DNAAF8: variants seen among roughly 807,000 people sequenced by gnomAD.
DNAAF8 encodes dynein axonemal-associated protein 1.
DNAAF8 carries 61 observed loss-of-function variants against 54.6 expected under a neutral mutation model. The ratio of observed to expected loss-of-function variants is 1.12; its 90% CI spans 0.91 to 1.38. The LOEUF is 1.38. Ranked by LOEUF, DNAAF8 falls within the 40% of genes most tolerant of loss-of-function variation. The probability of loss-of-function intolerance (pLI) is 0.00; values close to 1 mark genes in which losing one functional copy is unlikely to be tolerated. For missense variants in DNAAF8, 837 were observed against 665.0 expected, an observed-to-expected ratio of 1.26 and a Z score of -2.85; for synonymous variants, 320 against 270.1, an observed-to-expected ratio of 1.18 and a Z score of -1.81.
intron 4 of DNAAF8, among the ~76,000 whole-genome samples, chr16:4,741,659 G>C (rs1341448403): frequency 1.3e-5 from 2 of 152,106 alleles, no homozygotes; most frequent in Non-Finnish European, 2.9e-5. Flanking sequence ...AATTAGCCAA[G>C]TGTGGTGGTG....
Position 4,736,463 on chromosome 16 carries a change from G to T in DNAAF8, c.-51-1G>T. 1 of 1,450,774 alleles carries T rather than the reference G, an allele frequency of 6.9e-7. No individual in the cohort carries two copies. The highest frequency in any genetic ancestry group is 1.5e-5 in the South Asian group (1 of 65,916). 89.9% of individuals were successfully genotyped at this position (1,450,774 alleles called of 1,614,324 possible). A position where few individuals can be genotyped will look rare whatever the true frequency, so the allele number is the denominator to read the frequency against. The stretch of plus-strand genomic sequence containing the variant: ...CTTCCATCACCCTGTGTACCCCACA[G>T]AGCTCCCCGGATTATGGTGCACTGA... On this transcript the variant is annotated splice_acceptor_variant, in intron 1 of 9. Transcript: ENST00000299320. LOFTEE classifies it low-confidence loss of function (5UTR_SPLICE).
intron 3 of DNAAF8, among the ~76,000 whole-genome samples, chr16:4,739,295 G>T (rs1462771514): frequency 3.3e-5 from 1 of 30,744 alleles, no homozygotes; most frequent in East Asian, 1.7e-3. Flanking sequence ...TTGTAATGTG[G>T]GATCTCTACT....
intron 4 of DNAAF8, among the ~76,000 whole-genome samples, chr16:4,741,094 T>C (rs1242584769): frequency 2.7e-4 from 40 of 145,960 alleles, no homozygotes. Context: ...ATTAGCTGGG[T>C]GTGGTGGCGG....
intron 7 of DNAAF8, 199 bp from the exon 8 acceptor site, chr16:4,746,727 CA>C: frequency 2.2e-5 from 17 of 758,842 alleles, no homozygotes; most frequent in Non-Finnish European, 3.5e-5. Context: ...GGGCTCTATG[CA>C]ATAGAGCCCA....
chr16:4,736,810 T>G (rs2081906390), intron 2 of DNAAF8, among the ~76,000 whole-genome samples, 167 bp downstream of exon 2: 1 of 152,228 alleles, frequency 6.6e-6, no homozygotes, highest in Non-Finnish European at 1.5e-5. Flanking sequence ...TTGTGTTTTC[T>G]GGGTGCCTAT....
rs1322449808 is a variant in DNAAF8 at position 4,746,974 on chromosome 16, T to C, written c.1229T>C (p.Met410Thr). ...AGTGAGGAGGAGGAGGAGGAAGAGATGGCAGCTCTGGGAGACGCAGAGGGG... is the reference window on the plus strand; with the variant it reads ...AGTGAGGAGGAGGAGGAGGAAGAGACGGCAGCTCTGGGAGACGCAGAGGGG... The part of the protein sequence containing the change: ...SDSEEEEEEE[M>T]AALGDAEGAS... Residue 410 changes from methionine (M) to threonine (T), a missense_variant, in exon 8 of 10, where the codon ATG becomes ACG. Coordinates refer to ENST00000299320, the MANE Select transcript of DNAAF8 (RefSeq NM_139170.3). 1.7e-5 allele frequency: 26 copies of C among 1,552,890 alleles called. No homozygotes were observed. Among genetic ancestry groups the C allele is most frequent in the Non-Finnish European group, 2.1e-5 (24 of 1,153,886 alleles).
At chr16:4,742,511 A>G (rs1385106219) in intron 4 of DNAAF8, among the ~76,000 whole-genome samples, 1 of 149,716 alleles carries the variant, frequency 6.7e-6, no homozygotes, top group Non-Finnish European at 1.5e-5. Context: ...GTTCGAGACC[A>G]GCCTGGCCAA....
intron 6 of DNAAF8, among the ~76,000 whole-genome samples, chr16:4,745,881 G>C (rs1169959700): frequency 6.6e-6 from 1 of 150,722 alleles, no homozygotes; most frequent in Admixed American, 6.6e-5. Flanking sequence ...TTGAACCCAG[G>C]AGGCGGAGGT....
intron 4 of DNAAF8, among the ~76,000 whole-genome samples, chr16:4,741,913 C>T (rs1226524330): frequency 1.3e-5 from 2 of 152,190 alleles, no homozygotes; most frequent in African/African-American, 4.8e-5. Context: ...CACACCGTCT[C>T]GGTTTTACAC....
chr16:4,736,697 G>C, intron 2 of DNAAF8, 54 bp downstream of exon 2: 3 of 1,454,708 alleles, frequency 2.1e-6, no homozygotes, highest in South Asian at 2.8e-5. Flanking sequence ...GAGCAGGCAT[G>C]ACGCTGGCCA....
rs368690414 is a variant in DNAAF8, at chr16:4,746,950, G to A, written c.1205G>A (p.Ser402Asn). The change falls in exon 8 of 10, where the codon AGT becomes AAT. Residue 402 changes from serine to asparagine, a missense_variant. By Grantham distance (46) the Ser-to-Asn change is conservative. Transcript: ENST00000299320. ...AGCTCCAGCCACAGCTCCTCTGACAGTGAGGAGGAGGAGGAGGAAGAGATG... is the reference window on the plus strand; with the variant it reads ...AGCTCCAGCCACAGCTCCTCTGACAATGAGGAGGAGGAGGAGGAAGAGATG... ...PESSSHSSSD[S>N]EEEEEEEMAA... 4.5e-6 allele frequency: 7 copies of A among 1,562,208 alleles called. No homozygotes were observed. The African/African-American group carries it at 8.3e-5, about 19-fold the overall frequency.
Position 4,747,016 on chromosome 16 carries a change from T to C in DNAAF8, c.1271T>C (p.Leu424Pro). Residue 424 changes from leucine to proline, a missense_variant, in exon 8 of 10, where the codon CTG becomes CCG. Physicochemically the swap from Leu to Pro is moderately conservative, Grantham distance 98. Coordinates refer to ENST00000299320, the MANE Select transcript of DNAAF8 (RefSeq NM_139170.3). ...GDAEGASPSS[L>P]GLRTCTGKSQ... ...GCAGAGGGGGCATCTCCTTCCTCCC[T>C]GGGGCTACGGTAACCACCCAGGGGC... is the stretch of plus-strand genomic sequence containing the variant. 6.5e-7 allele frequency: 1 copy of C among 1,531,026 alleles called. No individual in the cohort carries two copies. Among genetic ancestry groups the C allele is most frequent in the South Asian group, 1.2e-5 (1 of 80,818 alleles). The allele number at this position is 1,531,026 out of a possible 1,614,324, so 94.8% of individuals were successfully genotyped here.
At position 4,746,476 on chromosome 16, in the gene DNAAF8, G is replaced by C; in HGVS notation, c.1145G>C (p.Arg382Pro). The change falls in exon 7 of 10, where the codon CGG (arginine) becomes CCG (proline). Residue 382 changes from arginine (R) to proline (P), a missense_variant. By Grantham distance (103) the Arg-to-Pro change is moderately radical. Coordinates refer to ENST00000299320, the MANE Select transcript of DNAAF8 (RefSeq NM_139170.3). Reference protein sequence around the residue: ...AESPTIFIDLRQMELPDHLSP... With the variant: ...AESPTIFIDLPQMELPDHLSP... ...TCCCCCACCATCTTTATTGACCTGC[G>C]GCAGATGGAGCTACCAGACCACCTG... 1 of 1,613,724 alleles carries C rather than the reference G, an allele frequency of 6.2e-7. No individual in the cohort carries two copies. Among genetic ancestry groups the C allele is most frequent in the Non-Finnish European group, 8.5e-7 (1 of 1,180,008 alleles).
chr16:4,735,819 G>T (rs2081886649), intron 1 of DNAAF8, among the ~76,000 whole-genome samples: 1 of 152,102 alleles, frequency 6.6e-6, no homozygotes, highest in Non-Finnish European at 1.5e-5. Flanking sequence ...AGCCAGATGT[G>T]GTGGTACACA....
intron 6 of DNAAF8, among the ~76,000 whole-genome samples, 188 bp downstream of exon 6, chr16:4,745,199 T>C (rs1203995465): frequency 6.6e-6 from 1 of 152,032 alleles, no homozygotes; most frequent in Non-Finnish European, 1.5e-5. Flanking sequence ...CTCAGAGAGG[T>C]TGACTCTCTC....
chr16:4,747,548 A>T lies in DNAAF8; in HGVS notation c.1486A>T (p.Arg496Trp). 1 of 1,612,624 alleles carries T rather than the reference A, an allele frequency of 6.2e-7. No individual in the cohort carries two copies. The highest frequency in any genetic ancestry group is 8.5e-7 in the Non-Finnish European group (1 of 1,179,808). Residue 496 changes from arginine (R) to tryptophan (W), a missense_variant, in exon 9 of 10, where the codon AGG becomes TGG. By Grantham distance (101) the Arg-to-Trp change is moderately radical (BLOSUM62 -3). Transcript: ENST00000299320. ...CGCCCAGGCTCGACTCCCAAGAGGC[A>T]GGCCCAGAGCCCTGGGGGATGTTCC... Reference protein sequence around the residue: ...QSAQARLPRGRPRALGDVPEP... With the variant: ...QSAQARLPRGWPRALGDVPEP...
Position 4,740,386 on chromosome 16 carries a change from C to T in DNAAF8, c.510C>T (p.Ala170=), listed in dbSNP as rs753675144. 66 of 1,613,658 alleles carry T rather than the reference C, an allele frequency of 4.1e-5. No homozygotes were observed. In the Admixed American group the frequency reaches 6.5e-4, roughly 16 times the overall value. ...AGGGTCCTCCCTGGGACCCACAGGCCGAAGCCACTCTCTCCTGCCATGAAG... is the reference window on the plus strand; with the variant it reads ...AGGGTCCTCCCTGGGACCCACAGGCTGAAGCCACTCTCTCCTGCCATGAAG... ...GSQGPPWDPQ[A]EATLSCHEGD... Residue 170 remains alanine, a synonymous_variant, in exon 4 of 10, where the codon GCC becomes GCT. Transcript: ENST00000299320.
At position 4,736,449 on chromosome 16, in the gene DNAAF8, C is replaced by T. The variant is rs2081902578; in HGVS notation, c.-51-15C>T. On this transcript the variant is annotated splice_polypyrimidine_tract_variant and intron_variant, in intron 1 of 9. Transcript: ENST00000299320. ...GTGGCCCGGACCCTCTTCCATCACCCTGTGTACCCCACAGAGCTCCCCGGA... is the reference window on the plus strand; with the variant it reads ...GTGGCCCGGACCCTCTTCCATCACCTTGTGTACCCCACAGAGCTCCCCGGA... The T allele has an allele frequency of 7.1e-7, 1 of 1,403,106 alleles. No individual in the cohort carries two copies. Among genetic ancestry groups the T allele is most frequent in the African/African-American group, 1.5e-5 (1 of 68,356 alleles). The allele number at this position is 1,403,106 out of a possible 1,614,324, so 86.9% of individuals were successfully genotyped here.
At chr16:4,735,856 T>G (rs1390978727) in intron 1 of DNAAF8, among the ~76,000 whole-genome samples, 1 of 152,178 alleles carries the variant, frequency 6.6e-6, no homozygotes, top group Non-Finnish European at 1.5e-5. Context: ...TTCAGGAGGC[T>G]GAGGTGGGAG....
Sources: gnomAD v4.1 joint callset for allele counts (sites outside exome capture counted in the v4.1 genomes callset) on GRCh38, gnomAD v4.1.1 for gene constraint, MANE v1.5 for transcripts, NCBI Gene and HGNC (gene_info 2026-07-23, HGNC 2026-07-21) for gene names.